AGTPBP1: variants seen among roughly 807,000 people sequenced by gnomAD.
AGTPBP1 encodes the protein cytosolic carboxypeptidase 1.
Under a neutral mutation model 143.9 loss-of-function variants are expected in AGTPBP1, and 70 were observed. The observed-to-expected ratio is 0.49, with a 90% CI of 0.40 to 0.59. AGTPBP1 has a LOEUF of 0.59. Among genes scored for constraint, AGTPBP1 ranks in the 20% least tolerant of loss-of-function variants. The pLI is 0.00. For synonymous variants in AGTPBP1, 463 were observed against 500.2 expected, an observed-to-expected ratio of 0.93 and a Z score of 0.99; for missense variants, 1,229 against 1,464.5, an observed-to-expected ratio of 0.84 and a Z score of 2.62.
chr9:85,718,693 T>G (rs1035786198), intron 1 of AGTPBP1, among the ~76,000 whole-genome samples: 24 of 152,212 alleles, frequency 1.6e-4, no homozygotes, highest in African/African-American at 5.8e-4. Flanking sequence ...ATTTGTCAAT[T>G]TTGGCTTTTG....
chr9:85,757,277 G>C, the AGTPBP1 span, among the ~76,000 whole-genome samples: 1 of 152,084 alleles, frequency 6.6e-6, no homozygotes, highest in Non-Finnish European at 1.5e-5. Flanking sequence ...ATATTGGTCA[G>C]ACTGGTCTCG....
intron 11 of AGTPBP1, among the ~76,000 whole-genome samples, chr9:85,648,445 G>A (rs1044884342): frequency 1.3e-5 from 2 of 152,192 alleles, no homozygotes; most frequent in Admixed American, 6.5e-5. Flanking sequence ...CCTAACGGCA[G>A]TTGGTCATGG....
chr9:85,744,789 T>C (rs1053155869), upstream of AGTPBP1, among the ~76,000 whole-genome samples: 4 of 152,198 alleles, frequency 2.6e-5, no homozygotes, highest in African/African-American at 4.8e-5. Context: ...GTACGAAACA[T>C]GGGTGGGAGC....
chr9:85,611,826 G>A (rs766706830), intron 17 of AGTPBP1, among the ~76,000 whole-genome samples: 3 of 152,130 alleles, frequency 2.0e-5, no homozygotes, highest in Non-Finnish European at 2.9e-5. Flanking sequence ...GATTACAGGT[G>A]TGTGCCACCA....
the AGTPBP1 span, among the ~76,000 whole-genome samples, chr9:85,769,028 G>A: frequency 1.4e-5 from 2 of 142,222 alleles, no homozygotes; most frequent in Non-Finnish European, 3.0e-5. Flanking sequence ...CAGCCTGGAT[G>A]ACAAAGTGAG....
intron 25 of AGTPBP1, among the ~76,000 whole-genome samples, chr9:85,568,673 C>A (rs183550354): frequency 6.6e-6 from 1 of 152,154 alleles, no homozygotes; most frequent in East Asian, 1.9e-4. Context: ...GTTGTTCAGG[C>A]AAAGGGTAAT....
intron 25 of AGTPBP1, among the ~76,000 whole-genome samples, chr9:85,562,079 C>A (rs1366571821): frequency 6.6e-6 from 1 of 151,974 alleles, no homozygotes; most frequent in Non-Finnish European, 1.5e-5. Flanking sequence ...ATCCACCCAC[C>A]TTGGCCTCCC....
At chr9:85,768,116 G>C in the AGTPBP1 span, among the ~76,000 whole-genome samples, 2 of 152,226 alleles carry the variant, frequency 1.3e-5, no homozygotes, top group Non-Finnish European at 2.9e-5. Flanking sequence ...TGCTGAGTTA[G>C]AGGGAACTGC....
Position 85,741,903 on chromosome 9 carries a change from G to A in AGTPBP1, c.-162C>T, listed in dbSNP as rs1188774761. On this transcript the variant is annotated 5_prime_UTR_variant, in exon 1 of 26. Coordinates refer to ENST00000357081, the MANE Select transcript of AGTPBP1 (RefSeq NM_001330701.2). ...TACAAACCCCGGTGGCAGGCGAGGC[G>A]GAGGCGGCGGCGGCGGCAGCTGCGG... The A allele has an allele frequency of 9.7e-6, 13 of 1,340,534 alleles. No individual in the cohort carries two copies. The South Asian group carries it at 1.5e-4, about 15-fold the overall frequency. The allele number at this position is 1,340,534 out of a possible 1,614,324, so 83.0% of individuals were successfully genotyped here. A position where few individuals can be genotyped will look rare whatever the true frequency, so the allele number is the denominator to read the frequency against.
intron 5 of AGTPBP1, 29 bp from the exon 6 acceptor site, chr9:85,677,611 AC>A: frequency 6.7e-7 from 1 of 1,483,546 alleles, no homozygotes; most frequent in Non-Finnish European, 9.0e-7. Context: ...AAAAATTTAA[AC>A]AACAAATTAA....
intron 13 of AGTPBP1, among the ~76,000 whole-genome samples, chr9:85,638,800 T>A (rs1832256956): frequency 2.0e-5 from 3 of 151,904 alleles, no homozygotes. Context: ...AACAAAAAAC[T>A]AACAGACCTG....
chr9:85,557,699 T>C (rs985516882), intron 25 of AGTPBP1, among the ~76,000 whole-genome samples: 13 of 152,224 alleles, frequency 8.5e-5, no homozygotes, highest in African/African-American at 2.9e-4. Flanking sequence ...GACACTACTG[T>C]TAACATTTAG....
At position 85,579,743 on chromosome 9, in the gene AGTPBP1, C is replaced by T. The variant is rs190596031; in HGVS notation, c.3166-647G>A. ...GAAAGAAAGAGTTCAGAATTAGAAC[C>T]AAATGTATTAAACTTATTATCATTA... is the stretch of plus-strand genomic sequence containing the variant. On this transcript the variant is annotated intron_variant, in intron 23 of 25. Transcript: ENST00000357081. 3.2e-3 allele frequency among the ~76,000 whole-genome samples: 480 copies of T among 149,778 alleles called. 3 individuals carry two copies. Among genetic ancestry groups the T allele is most frequent in the African/African-American group, 0.011 (442 of 40,624 alleles).
At chr9:85,558,744 G>A (rs373601566) in intron 25 of AGTPBP1, among the ~76,000 whole-genome samples, 16 of 151,874 alleles carry the variant, frequency 1.1e-4, no homozygotes, top group African/African-American at 3.6e-4. Flanking sequence ...TCAGCCTCCC[G>A]AGTAGCTGGG....
chr9:85,657,434 C>A lies in AGTPBP1; in HGVS notation c.909+1G>T. Reference sequence around the variant, plus strand: ...ACAATAATAAGAAGAAAATAACTCACTTGCGAAGTATTATACAGAATTTTC... The same window carrying A: ...ACAATAATAAGAAGAAAATAACTCAATTGCGAAGTATTATACAGAATTTTC... On this transcript the variant is annotated splice_donor_variant, in intron 10 of 25. Transcript: ENST00000357081. LOFTEE classifies it high-confidence loss of function. 6.2e-7 allele frequency: 1 copy of A among 1,606,424 alleles called. No homozygotes were observed. Among genetic ancestry groups the A allele is most frequent in the Non-Finnish European group, 8.5e-7 (1 of 1,175,946 alleles).
At chr9:85,725,550 C>G (rs1021914060) in intron 1 of AGTPBP1, among the ~76,000 whole-genome samples, 1 of 152,008 alleles carries the variant, frequency 6.6e-6, no homozygotes, top group Non-Finnish European at 1.5e-5. Flanking sequence ...CCATAGGCAC[C>G]GCCAACTACC....
At chr9:85,786,940 A>G in the AGTPBP1 span, among the ~76,000 whole-genome samples, 80 of 152,158 alleles carry the variant, frequency 5.3e-4, 1 homozygote, top group Non-Finnish European at 8.4e-4. Context: ...TTATAAAAGT[A>G]TGTTACAATA....
intron 14 of AGTPBP1, among the ~76,000 whole-genome samples, chr9:85,631,008 G>A (rs899136831): frequency 6.6e-6 from 1 of 152,164 alleles, no homozygotes; most frequent in Non-Finnish European, 1.5e-5. Context: ...TCAACCCATT[G>A]CCACTGTGTA....
the AGTPBP1 span, among the ~76,000 whole-genome samples, chr9:85,762,603 A>G: frequency 4.7e-5 from 6 of 128,970 alleles, no homozygotes; most frequent in Non-Finnish European, 9.5e-5. Flanking sequence ...GGGGAACATC[A>G]CACACTGGGG....
Sources: allele counts gnomAD v4.1 joint callset (sites outside exome capture counted in the v4.1 genomes callset), GRCh38; gene constraint gnomAD v4.1.1; transcripts MANE v1.5; gene names NCBI Gene and HGNC (gene_info 2026-07-23, HGNC 2026-07-21).